The following GALNTL6 variants were observed in gnomAD, a reference collection of about 807,000 sequenced individuals.
GALNTL6 encodes the protein polypeptide N-acetylgalactosaminyltransferase like 6.
In GALNTL6, 46 loss-of-function variants were observed where a neutral mutation model predicts 73.7. The observed-to-expected ratio is 0.62, with a 90% CI of 0.49 to 0.80. The LOEUF is 0.80. GALNTL6 is among the 30% of genes least tolerant of loss of function. GALNTL6 has a pLI of 0.00. For synonymous variants in GALNTL6, 259 were observed against 263.7 expected (o/e 0.98, Z 0.17); for missense variants, 604 against 755.0 (o/e 0.80, Z 2.34).
intron 4 of GALNTL6, among the ~76,000 whole-genome samples, chr4:172,331,002 T>C (rs1287028088): frequency 6.6e-6 from 1 of 152,104 alleles, no homozygotes; most frequent in Non-Finnish European, 1.5e-5. Flanking sequence ...CATTTGGATA[T>C]TTTAAATATC....
At chr4:172,257,167 C>G (rs1316298564) in intron 3 of GALNTL6, among the ~76,000 whole-genome samples, 1 of 151,296 alleles carries the variant, frequency 6.6e-6, no homozygotes, top group Non-Finnish European at 1.5e-5. Context: ...TAAATATAAT[C>G]CTAAAGCAAT....
At chr4:172,188,959 A>G (rs1414370528) in intron 2 of GALNTL6, among the ~76,000 whole-genome samples, 1 of 152,196 alleles carries the variant, frequency 6.6e-6, no homozygotes, top group Non-Finnish European at 1.5e-5. Flanking sequence ...ATTTATGGCT[A>G]TATCCTTAAA....
intron 5 of GALNTL6, among the ~76,000 whole-genome samples, chr4:172,624,163 G>A (rs888226712): frequency 1.3e-5 from 2 of 151,990 alleles, no homozygotes; most frequent in Non-Finnish European, 2.9e-5. Flanking sequence ...AACTCTTCTA[G>A]CTTAAGCAAA....
chr4:173,029,216 G>A (rs1487217922), intron 12 of GALNTL6, among the ~76,000 whole-genome samples: 1 of 152,216 alleles, frequency 6.6e-6, no homozygotes, highest in East Asian at 1.9e-4. Flanking sequence ...TCCTGGACAT[G>A]TGGTCAGAGG....
chr4:172,765,577 T>C (rs899100493), intron 5 of GALNTL6, among the ~76,000 whole-genome samples: 21 of 152,098 alleles, frequency 1.4e-4, no homozygotes, highest in Non-Finnish European at 2.4e-4. Context: ...TGTCCAAAAA[T>C]TAGCTCACCA....
At chr4:172,859,438 T>C (rs1744282628) in intron 7 of GALNTL6, among the ~76,000 whole-genome samples, 1 of 152,100 alleles carries the variant, frequency 6.6e-6, no homozygotes, top group South Asian at 2.1e-4. Context: ...CCCATAGAGA[T>C]CTTTTCCACA....
intron 7 of GALNTL6, among the ~76,000 whole-genome samples, chr4:172,825,615 C>T (rs550179721): frequency 1.3e-5 from 2 of 152,132 alleles, no homozygotes; most frequent in East Asian, 1.9e-4. Context: ...TCATCCAAGG[C>T]CTTCTAGAAG....
chr4:172,864,677 G>T (rs1744573095), intron 7 of GALNTL6, among the ~76,000 whole-genome samples: 1 of 152,092 alleles, frequency 6.6e-6, no homozygotes, highest in South Asian at 2.1e-4. Flanking sequence ...AGTATTTCCA[G>T]ATCCTTAAAA....
At chr4:172,555,495 C>A (rs950797239) in intron 5 of GALNTL6, among the ~76,000 whole-genome samples, 14 of 152,076 alleles carry the variant, frequency 9.2e-5, no homozygotes, top group African/African-American at 3.4e-4. Context: ...TAACTTGCCC[C>A]TGCTCACACA....
intron 3 of GALNTL6, among the ~76,000 whole-genome samples, chr4:172,275,691 C>A (rs1738803768): frequency 1.3e-5 from 2 of 152,172 alleles, no homozygotes; most frequent in South Asian, 4.1e-4. Context: ...GGTGCAGTGG[C>A]TCACGCCTGT....
At chr4:172,618,816 C>T (rs1485079122) in intron 5 of GALNTL6, among the ~76,000 whole-genome samples, 3 of 152,122 alleles carry the variant, frequency 2.0e-5, no homozygotes, top group South Asian at 2.1e-4. Context: ...CTCTGCCTCC[C>T]GGGTTCAAGC....
At chr4:173,024,393 T>G (rs1753144409) in intron 12 of GALNTL6, among the ~76,000 whole-genome samples, 1 of 152,256 alleles carries the variant, frequency 6.6e-6, no homozygotes, top group Non-Finnish European at 1.5e-5. Flanking sequence ...GGAAAGTTTC[T>G]GAAATATCAC....
intron 10 of GALNTL6, among the ~76,000 whole-genome samples, chr4:172,990,139 A>C (rs149270879): frequency 1.3e-5 from 2 of 152,200 alleles, no homozygotes; most frequent in South Asian, 4.1e-4. Flanking sequence ...CAGTCTGTTT[A>C]TATCTGAAAG....
At chr4:172,312,388 C>T (rs752751313) in intron 4 of GALNTL6, among the ~76,000 whole-genome samples, 5 of 152,184 alleles carry the variant, frequency 3.3e-5, no homozygotes, top group Non-Finnish European at 5.9e-5. Context: ...CTACATCTAA[C>T]ATCACTTATT....
At chr4:172,334,697 C>G (rs1304459122) in intron 4 of GALNTL6, among the ~76,000 whole-genome samples, 1 of 152,086 alleles carries the variant, frequency 6.6e-6, no homozygotes, top group Non-Finnish European at 1.5e-5. Context: ...TTTATCTTTT[C>G]ATATTTGGTT....
chr4:172,665,874 A>G (rs1731634649), intron 5 of GALNTL6, among the ~76,000 whole-genome samples: 1 of 152,168 alleles, frequency 6.6e-6, no homozygotes, highest in African/African-American at 2.4e-5. Context: ...CACCATAAAG[A>G]ATGAAAATTA....
intron 5 of GALNTL6, among the ~76,000 whole-genome samples, chr4:172,516,973 C>T (rs973729250): frequency 2.6e-5 from 4 of 152,042 alleles, no homozygotes; most frequent in Admixed American, 2.0e-4. Flanking sequence ...GAGGTATCTA[C>T]AGCAGTCACA....
chr4:171,943,515 A>C (rs1177135966), intron 2 of GALNTL6, among the ~76,000 whole-genome samples: 1 of 152,174 alleles, frequency 6.6e-6, no homozygotes, highest in African/African-American at 2.4e-5. Context: ...ATAAGTAGCC[A>C]CCTATATTTG....
intron 2 of GALNTL6, among the ~76,000 whole-genome samples, chr4:171,840,084 T>A (rs1418138061): frequency 1.3e-5 from 2 of 152,206 alleles, no homozygotes; most frequent in African/African-American, 4.8e-5. Context: ...TTTACTTTCA[T>A]GGCAGTAAGC....
Sources: allele counts gnomAD v4.1 joint callset (sites outside exome capture counted in the v4.1 genomes callset), GRCh38; gene constraint gnomAD v4.1.1; transcripts MANE v1.5; gene names NCBI Gene and HGNC (gene_info 2026-07-23, HGNC 2026-07-21).